Variants in CTBP2 observed in about 807,000 individuals in gnomAD.
CTBP2 encodes the protein C-terminal binding protein 2, also known as C-terminal-binding protein 2.
A neutral mutation model predicts 80.3 loss-of-function variants in CTBP2; 30 were observed. The observed-to-expected ratio is 0.37, with a 90% CI of 0.28 to 0.51. CTBP2 has a LOEUF of 0.51. Among genes scored for constraint, CTBP2 ranks in the 20% least tolerant of loss-of-function variants. The probability of loss-of-function intolerance (pLI) is 0.93; values close to 1 mark genes in which losing one functional copy is unlikely to be tolerated. For missense variants in CTBP2, 1,212 were observed against 1,375.3 expected, an observed-to-expected ratio of 0.88 and a Z score of 1.88; for synonymous variants, 594 against 587.4, an observed-to-expected ratio of 1.01 and a Z score of -0.16.
chr10:125,034,252 GA>G (rs1958594890), intron 3 of CTBP2, among the ~76,000 whole-genome samples: 2 of 152,204 alleles, frequency 1.3e-5, no homozygotes, highest in African/African-American at 4.8e-5. Context: ...CAGGTGGGGT[GA>G]GGGGTTCCCT....
intron 2 of CTBP2, among the ~76,000 whole-genome samples, chr10:125,072,634 GAAAAAAA>G (rs55742060): frequency 0.011 from 1,105 of 100,178 alleles, 22 homozygotes; most frequent in African/African-American, 0.041. Context: ...AAAAAGAAAA[GAAAAAAA>G]AAAAAAAAAA....
At chr10:125,119,386 C>T (rs71488656) in intron 1 of CTBP2, among the ~76,000 whole-genome samples, 1 of 152,164 alleles carries the variant, frequency 6.6e-6, no homozygotes, top group South Asian at 2.1e-4. Flanking sequence ...CACTCTCCCC[C>T]TAGGGAATCC....
chr10:125,161,440 T>TG (rs1329066098), upstream of CTBP2, among the ~76,000 whole-genome samples: 1 of 151,378 alleles, frequency 6.6e-6, no homozygotes, highest in Non-Finnish European at 1.5e-5. Context: ...CCCGGTCCCA[T>TG]GGGGCCCCGC....
chr10:125,101,781 G>A (rs1158579030), intron 2 of CTBP2, among the ~76,000 whole-genome samples: 1 of 152,188 alleles, frequency 6.6e-6, no homozygotes, highest in East Asian at 1.9e-4. Context: ...AGCCAGGCGA[G>A]CAGGGCATCT....
chr10:125,154,422 A>G (rs1473280727), intron 1 of CTBP2, among the ~76,000 whole-genome samples: 1 of 152,256 alleles, frequency 6.6e-6, no homozygotes, highest in African/African-American at 2.4e-5. Context: ...ATTATTACCT[A>G]GGACAAAAGT....
chr10:125,060,240 C>A lies in CTBP2; in HGVS notation c.-101-21085G>T, dbSNP rs1378488963. On this transcript the variant is annotated intron_variant, in intron 2 of 10. Coordinates refer to the CTBP2 transcript ENST00000337195. ...TCCACAGAAATGCTGCCAAGGGAAT[C>A]CGCAGAGGAAAACAAAGCTCTGGAG... Among the ~76,000 whole-genome samples the A allele has an allele frequency of 1.3e-4, 3 of 22,242 alleles. No homozygotes were observed. The Admixed American group carries it at 2.0e-3, about 15-fold the overall frequency. 14.6% of individuals were successfully genotyped at this position (22,242 alleles called of 152,430 possible).
chr10:125,085,517 ACCAGAGACAATTTCCATC>A (rs1158370900), intron 2 of CTBP2, among the ~76,000 whole-genome samples: 1 of 152,168 alleles, frequency 6.6e-6, no homozygotes, highest in African/African-American at 2.4e-5. Flanking sequence ...GATCCTATTA[ACCAGAGACAATTTCCATC>A]CCAGGCTCCA....
At chr10:125,042,008 A>T (rs1228205288) in intron 2 of CTBP2, among the ~76,000 whole-genome samples, 1 of 149,756 alleles carries the variant, frequency 6.7e-6, no homozygotes, top group African/African-American at 2.5e-5. Flanking sequence ...TCTGTTCTGG[A>T]CCTTCTGTGG....
chr10:125,107,975 A>T (rs1402062178), intron 2 of CTBP2, among the ~76,000 whole-genome samples: 1 of 152,268 alleles, frequency 6.6e-6, no homozygotes, highest in Non-Finnish European at 1.5e-5. Context: ...TTAAAAAAAG[A>T]TAATTGGGTA....
At chr10:125,009,686 C>T (rs1305717344) in intron 1 of CTBP2, among the ~76,000 whole-genome samples, 1 of 152,156 alleles carries the variant, frequency 6.6e-6, no homozygotes, top group Non-Finnish European at 1.5e-5. Context: ...CAACATAAAA[C>T]TGAAAATCGT....
chr10:125,107,685 TCCA>T (rs1851665705), intron 2 of CTBP2, among the ~76,000 whole-genome samples: 1 of 152,122 alleles, frequency 6.6e-6, no homozygotes, highest in African/African-American at 2.4e-5. Flanking sequence ...AAACCCCTCT[TCCA>T]CCACCAAGCA....
chr10:125,013,371 C>A (rs1307103425), intron 1 of CTBP2, among the ~76,000 whole-genome samples: 1 of 152,240 alleles, frequency 6.6e-6, no homozygotes, highest in African/African-American at 2.4e-5. Flanking sequence ...TGGGGAAATA[C>A]CTGAGACTGG....
chr10:125,026,671 C>CG lies in CTBP2; in HGVS notation c.1088dup (p.Leu364AlafsTer19). 6.2e-7 allele frequency: 1 copy of CG among 1,604,620 alleles called. No homozygotes were observed. The highest frequency in any genetic ancestry group is 8.5e-7 in the Non-Finnish European group (1 of 1,176,224). ...AGCTGCTGGACCGCGCCCGGGGCAG[C>CG]GGGCCCCCCCGGTCCTGCCTCCGCA... On this transcript the variant is annotated frameshift_variant, in exon 1 of 9. Coordinates refer to ENST00000309035, the MANE Select transcript of CTBP2 (RefSeq NM_022802.3). LOFTEE classifies it high-confidence loss of function.
intron 1 of CTBP2, among the ~76,000 whole-genome samples, chr10:125,116,657 G>A (rs1402908561): frequency 1.3e-5 from 2 of 152,152 alleles, no homozygotes; most frequent in East Asian, 1.9e-4. Context: ...AGAGCACCAC[G>A]GCACTGCCTC....
At chr10:125,142,170 T>A (rs912488129) in intron 1 of CTBP2, among the ~76,000 whole-genome samples, 1 of 152,094 alleles carries the variant, frequency 6.6e-6, no homozygotes, top group African/African-American at 2.4e-5. Context: ...GGTTATCTGC[T>A]GGTTTCAGAC....
intron 1 of CTBP2, among the ~76,000 whole-genome samples, chr10:125,150,415 C>T (rs191073540): frequency 6.6e-6 from 1 of 152,272 alleles, no homozygotes; most frequent in African/African-American, 2.4e-5. Context: ...ATCAGAGACA[C>T]ACAGATGAGG....
chr10:125,142,170 T>C (rs912488129), intron 1 of CTBP2, among the ~76,000 whole-genome samples: 2 of 152,094 alleles, frequency 1.3e-5, no homozygotes, highest in Non-Finnish European at 2.9e-5. Flanking sequence ...GGTTATCTGC[T>C]GGTTTCAGAC....
At chr10:125,015,008 G>A (rs983145199) in intron 1 of CTBP2, among the ~76,000 whole-genome samples, 4 of 152,200 alleles carry the variant, frequency 2.6e-5, no homozygotes, top group Admixed American at 1.3e-4. Context: ...GATACTCTGC[G>A]GTGTGGAGGA....
chr10:125,004,743 G>A (rs559027283), intron 1 of CTBP2, among the ~76,000 whole-genome samples: 1 of 152,256 alleles, frequency 6.6e-6, no homozygotes, highest in East Asian at 1.9e-4. Flanking sequence ...GACGGTCCAG[G>A]CCATTGCTCC....
Sources: gnomAD v4.1 joint callset for allele counts (sites outside exome capture counted in the v4.1 genomes callset) on GRCh38, gnomAD v4.1.1 for gene constraint, MANE v1.5 for transcripts, NCBI Gene and HGNC (gene_info 2026-07-23, HGNC 2026-07-21) for gene names.